Variants in MYRIP observed in about 807,000 individuals in gnomAD.
MYRIP encodes myosin VIIA and Rab interacting protein.
In MYRIP, 49 loss-of-function variants were observed where a neutral mutation model predicts 98.0. The observed-to-expected ratio is 0.50, with a 90% confidence interval of 0.40 to 0.63. The LOEUF (loss-of-function observed/expected upper bound fraction) is 0.63. MYRIP is among the 30% of genes least tolerant of loss of function. MYRIP has a pLI of 0.00. For missense variants in MYRIP, 1,004 were observed against 1,058.2 expected (o/e 0.95, Z 0.71); for synonymous variants, 404 against 409.5 (o/e 0.99, Z 0.16).
At chr3:39,913,995 A>C (rs972586973) in intron 2 of MYRIP, among the ~76,000 whole-genome samples, 2 of 152,180 alleles carry the variant, frequency 1.3e-5, no homozygotes, top group Non-Finnish European at 1.5e-5. Context: ...AGGTGCAGTC[A>C]TCTATAACCT....
At chr3:40,020,590 A>T (rs1046494853) in intron 2 of MYRIP, among the ~76,000 whole-genome samples, 1 of 152,180 alleles carries the variant, frequency 6.6e-6, no homozygotes, top group Non-Finnish European at 1.5e-5. Context: ...TGGACTGAGG[A>T]GGGCTTTACT....
At chr3:40,218,654 A>G (rs1952229943) in intron 11 of MYRIP, among the ~76,000 whole-genome samples, 4 of 139,326 alleles carry the variant, frequency 2.9e-5, no homozygotes, top group Admixed American at 2.2e-4. Context: ...ATATATATAT[A>G]TACATACACA....
intron 13 of MYRIP, among the ~76,000 whole-genome samples, chr3:40,246,827 C>T (rs1953222135): frequency 6.6e-6 from 1 of 152,114 alleles, no homozygotes; most frequent in African/African-American, 2.4e-5. Flanking sequence ...CAACTCCTGA[C>T]ATCATTAACC....
chr3:39,835,638 G>T (rs915043159), intron 1 of MYRIP, among the ~76,000 whole-genome samples: 2 of 152,112 alleles, frequency 1.3e-5, no homozygotes, highest in African/African-American at 4.8e-5. Context: ...TATATGTGCA[G>T]AACGTGCAGG....
At chr3:39,932,740 G>C (rs944652481) in intron 2 of MYRIP, among the ~76,000 whole-genome samples, 1 of 152,106 alleles carries the variant, frequency 6.6e-6, no homozygotes, top group Admixed American at 6.6e-5. Context: ...CAAGAATTTT[G>C]AGAGTTCATT....
At chr3:40,220,438 A>T (rs1952304135) in intron 11 of MYRIP, among the ~76,000 whole-genome samples, 2 of 152,188 alleles carry the variant, frequency 1.3e-5, no homozygotes, top group African/African-American at 4.8e-5. Context: ...GGTATTGCCT[A>T]GGTTTTCTTC....
At chr3:40,085,646 C>A (rs4676569) in intron 3 of MYRIP, among the ~76,000 whole-genome samples, 80,595 of 151,980 alleles carry the variant, frequency 0.53, 21,493 homozygotes, top group Admixed American at 0.59. Flanking sequence ...TAAAAGAAGG[C>A]ATCCTGGAGC....
intron 12 of MYRIP, among the ~76,000 whole-genome samples, chr3:40,243,183 T>C (rs775265525): frequency 6.6e-6 from 1 of 152,202 alleles, no homozygotes; most frequent in African/African-American, 2.4e-5. Flanking sequence ...TGACATCTTC[T>C]GTACCAGTCA....
In MYRIP at chr3:40,218,001, C is replaced by T. The variant is rs555164999; in HGVS notation, c.1905+7908C>T. On this transcript the variant is annotated intron_variant, in intron 11 of 16. Transcript: ENST00000302541. ...GATGGCCTATCACAAAAGAGTAATA[C>T]ATAAGCAAAAATTTCATATATACAG... is the stretch of plus-strand genomic sequence containing the variant. 2.0e-5 allele frequency among the ~76,000 whole-genome samples: 3 copies of T among 152,150 alleles called. No homozygotes were observed. In the South Asian group the frequency reaches 6.2e-4, roughly 32 times the overall value.
intron 1 of MYRIP, among the ~76,000 whole-genome samples, chr3:39,858,504 A>G (rs1362364439): frequency 6.6e-6 from 1 of 152,160 alleles, no homozygotes; most frequent in Non-Finnish European, 1.5e-5. Context: ...ATCAATAAAA[A>G]ATTAGCAGAT....
rs568822415 is a variant in MYRIP at position 40,259,492 on chromosome 3, T to C, written c.*1326T>C. 1 of 152,362 alleles carries C rather than the reference T, an allele frequency of 6.6e-6. No individual in the cohort carries two copies. The highest frequency in any genetic ancestry group is 2.1e-4 in the South Asian group (1 of 4,830). 9.4% of individuals were successfully genotyped at this position (152,362 alleles called of 1,614,324 possible). On this transcript the variant is annotated 3_prime_UTR_variant, in exon 17 of 17. Coordinates refer to ENST00000302541, the MANE Select transcript of MYRIP (RefSeq NM_015460.4). The stretch of plus-strand genomic sequence containing the variant: ...CAACCTTATTCAATAGGTTTTCCCA[T>C]ATTTCAGATTTAATAACTGAAGGCC...
chr3:40,127,653 G>A (rs1949549705), intron 3 of MYRIP, among the ~76,000 whole-genome samples: 1 of 152,180 alleles, frequency 6.6e-6, no homozygotes, highest in Non-Finnish European at 1.5e-5. Flanking sequence ...TTCCCGGTTG[G>A]GGGTGGGGGG....
At chr3:39,876,213 T>A (rs145840890) in intron 1 of MYRIP, among the ~76,000 whole-genome samples, 179 of 152,268 alleles carry the variant, frequency 1.2e-3, no homozygotes, top group African/African-American at 4.0e-3. Context: ...CTTCCATCGT[T>A]TTATTTTGAA....
intron 3 of MYRIP, among the ~76,000 whole-genome samples, chr3:40,051,253 A>G (rs1947788745): frequency 6.6e-6 from 1 of 152,170 alleles, no homozygotes; most frequent in South Asian, 2.1e-4. Flanking sequence ...AGAAACTGCC[A>G]AAGCCACCCC....
chr3:39,925,362 G>T (rs1944401006), intron 2 of MYRIP, among the ~76,000 whole-genome samples: 1 of 151,952 alleles, frequency 6.6e-6, no homozygotes, highest in Non-Finnish European at 1.5e-5. Context: ...GATTCAGAGG[G>T]TACATGTGCA....
In MYRIP at chr3:40,190,318, C is replaced by A. The variant is rs1951166887; in HGVS notation, c.1520C>A (p.Thr507Asn). The A allele has an allele frequency of 1.2e-6, 2 of 1,613,884 alleles. No homozygotes were observed. The highest frequency in any genetic ancestry group is 2.2e-5 in the East Asian group (1 of 44,862). ...NFNPQLASRE[T>N]SDSSEPEEAP... ...AACCCCCAGTTGGCCAGCAGGGAGA[C>A]CTCGGACAGCAGCGAGCCGGAGGAG... Residue 507 changes from threonine to asparagine, a missense_variant, in exon 10 of 17, where the codon ACC becomes AAC. Physicochemically the swap from Thr to Asn is moderately conservative, Grantham distance 65. Coordinates refer to ENST00000302541, the MANE Select transcript of MYRIP (RefSeq NM_015460.4).
At chr3:40,037,289 C>G (rs1162931860) in intron 2 of MYRIP, among the ~76,000 whole-genome samples, 1 of 152,062 alleles carries the variant, frequency 6.6e-6, no homozygotes, top group African/African-American at 2.4e-5. Context: ...TGTTAATTTA[C>G]ACTGTCAGGG....
chr3:39,839,790 T>G (rs1365840695), intron 1 of MYRIP, among the ~76,000 whole-genome samples: 2 of 152,158 alleles, frequency 1.3e-5, no homozygotes, highest in African/African-American at 2.4e-5. Context: ...GTATTTTGAG[T>G]GAGTTTCTTA....
At chr3:40,086,908 G>A (rs1253366497) in intron 3 of MYRIP, among the ~76,000 whole-genome samples, 2 of 151,986 alleles carry the variant, frequency 1.3e-5, no homozygotes, top group African/African-American at 4.8e-5. Flanking sequence ...TGGGCACTGC[G>A]GCTGCTTGGC....
Sources: allele counts gnomAD v4.1 joint callset (sites outside exome capture counted in the v4.1 genomes callset), GRCh38; gene constraint gnomAD v4.1.1; transcripts MANE v1.5; gene names NCBI Gene and HGNC (gene_info 2026-07-23, HGNC 2026-07-21).